The following ENOX2 variants were observed in gnomAD, a reference collection of about 807,000 sequenced individuals.
ENOX2 encodes APK1 antigen.
A neutral mutation model predicts 45.0 loss-of-function variants in ENOX2; 36 were observed. The observed-to-expected ratio is 0.80, with a 90% confidence interval of 0.61 to 1.06. The LOEUF (loss-of-function observed/expected upper bound fraction) is 1.06, where lower values mean the gene tolerates loss of function less well. Ranked by LOEUF, ENOX2 falls within the 50% of genes least tolerant of loss-of-function variation. The pLI is 0.00. For synonymous variants in ENOX2, 174 were observed against 152.3 expected, an observed-to-expected ratio of 1.14 and a Z score of -1.05; for missense variants, 423 against 462.5, an observed-to-expected ratio of 0.91 and a Z score of 0.78.
rs142442844 is a variant in ENOX2, at chrX:130,670,557, G to A, written c.461-359C>T. Among the ~76,000 whole-genome samples the A allele has an allele frequency of 1.1e-3, 120 of 110,738 alleles. 1 individual carries two copies. In the East Asian group the frequency reaches 0.028, roughly 26 times the overall value. ...GCATGATCGTTATATGGCACCAAGG[G>A]CTGGGAAGAATGGAAAAGGTGGCCT... On this transcript the variant is annotated intron_variant, in intron 6 of 14. Transcript: ENST00000394363.
At position 130,670,540 on chromosome X, in the gene ENOX2, G is replaced by C. The variant is rs192194635; in HGVS notation, c.461-342C>G. 3.9e-3 allele frequency among the ~76,000 whole-genome samples: 435 copies of C among 110,687 alleles called. 2 individuals are homozygous for C. The highest frequency in any genetic ancestry group is 0.014 in the African/African-American group (420 of 30,428). ...GTGGGTAATAGTATCAAGCATGATC[G>C]TTATATGGCACCAAGGGCTGGGAAG... is the stretch of plus-strand genomic sequence containing the variant. On this transcript the variant is annotated intron_variant, in intron 6 of 14. Coordinates refer to ENST00000394363, the MANE Select transcript of ENOX2 (RefSeq NM_006375.4).
chrX:130,831,327 C>T (rs766418406), intron 2 of ENOX2, among the ~76,000 whole-genome samples: 9 of 111,769 alleles, frequency 8.1e-5, no homozygotes, highest in Non-Finnish European at 1.5e-4. Context: ...CGGTTGCAGT[C>T]AAAGTAGTCT....
chrX:130,685,227 G>C (rs2037415915), intron 5 of ENOX2, among the ~76,000 whole-genome samples: 2 of 111,396 alleles, frequency 1.8e-5, no homozygotes, highest in Admixed American at 9.5e-5. Context: ...GACCGGAACA[G>C]AGGAAGAGAT....
At chrX:130,735,917 T>C (rs2038849289) in intron 3 of ENOX2, among the ~76,000 whole-genome samples, 1 of 111,896 alleles carries the variant, frequency 8.9e-6, no homozygotes, top group Non-Finnish European at 1.9e-5. Context: ...AAAAAATAGA[T>C]ACACTGGCAA....
At position 130,679,702 on chromosome X, in the gene ENOX2, T is replaced by C; in HGVS notation, c.300A>G (p.Thr100=). The C allele has an allele frequency of 8.3e-7, 1 of 1,211,704 alleles. No homozygotes were observed. Among genetic ancestry groups the C allele is most frequent in the Non-Finnish European group, 1.1e-6 (1 of 895,182 alleles). The change falls in exon 6 of 15, where the codon ACA becomes ACG. Residue 100 remains threonine (T), a synonymous_variant. Coordinates refer to ENST00000394363, the MANE Select transcript of ENOX2 (RefSeq NM_006375.4). ...ATRERPPGCK[T]VFVGGLPENG... ...TTTCAGGCAGACCACCCACAAATAC[T>C]GTTTTGCATCCTGGTGGTCTTTCTC...
At chrX:130,692,335 G>T (rs1313089652) in intron 4 of ENOX2, among the ~76,000 whole-genome samples, 1 of 113,087 alleles carries the variant, frequency 8.8e-6, no homozygotes, top group African/African-American at 3.2e-5. Context: ...CCTGGCTTGT[G>T]GAGTACTACC....
chrX:130,670,235 G>C (rs773950536), intron 6 of ENOX2, 37 bp from the exon 7 acceptor site: 2 of 889,221 alleles, frequency 2.2e-6, no homozygotes, highest in Non-Finnish European at 3.3e-6. Flanking sequence ...GAGGAGAGAG[G>C]GAGAGAAGGA....
At chrX:130,777,305 C>T in intron 3 of ENOX2, among the ~76,000 whole-genome samples, 1 of 109,488 alleles carries the variant, frequency 9.1e-6, no homozygotes, top group African/African-American at 3.3e-5. Flanking sequence ...TCGAGACCAG[C>T]CTGGGCAACG....
At chrX:130,627,606 A>T (rs1453921062) in intron 14 of ENOX2, among the ~76,000 whole-genome samples, 3 of 111,779 alleles carry the variant, frequency 2.7e-5, no homozygotes, top group Non-Finnish European at 1.9e-5. Context: ...GTGGGTAAGA[A>T]AGCTGATATG....
chrX:130,673,478 GA>G lies in ENOX2; in HGVS notation c.461-3281del, dbSNP rs762415285. Among the ~76,000 whole-genome samples, 386 of 99,569 alleles carry G rather than the reference GA, an allele frequency of 3.9e-3. 3 individuals carry two copies. Among genetic ancestry groups the G allele is most frequent in the East Asian group, 0.034 (110 of 3,236 alleles). 86.5% of individuals were successfully genotyped at this position (99,569 alleles called of 115,157 possible). On this transcript the variant is annotated intron_variant, in intron 6 of 14. Transcript: ENST00000394363. ...ATATGAAAGAAGAGATAGAGATCTT[GA>G]AAAAAAAAAACAGAACTTAGGGAAA...
intron 3 of ENOX2, among the ~76,000 whole-genome samples, chrX:130,777,182 T>C (rs1308324744): frequency 9.0e-6 from 1 of 111,370 alleles, no homozygotes; most frequent in Non-Finnish European, 1.9e-5. Flanking sequence ...CTTCTCTGGG[T>C]CTCAGTTTCT....
chrX:130,650,832 T>C (rs1332154655), intron 10 of ENOX2, among the ~76,000 whole-genome samples: 2 of 111,818 alleles, frequency 1.8e-5, no homozygotes, highest in Admixed American at 1.9e-4. Context: ...CCCAGACATG[T>C]TTCTGTACAA....
At chrX:130,770,313 G>A (rs1219516618) in intron 3 of ENOX2, among the ~76,000 whole-genome samples, 2 of 111,635 alleles carry the variant, frequency 1.8e-5, no homozygotes, top group Non-Finnish European at 3.8e-5. Flanking sequence ...TTTGACATAC[G>A]CACTTGTACT....
At chrX:130,776,721 A>G (rs2039865367) in intron 3 of ENOX2, among the ~76,000 whole-genome samples, 2 of 112,009 alleles carry the variant, frequency 1.8e-5, no homozygotes, top group Non-Finnish European at 3.8e-5. Flanking sequence ...CAGACAAAAC[A>G]TAAGTATAAA....
chrX:130,659,451 T>C (rs1337947069), intron 9 of ENOX2, among the ~76,000 whole-genome samples: 1 of 111,531 alleles, frequency 9.0e-6, no homozygotes, highest in African/African-American at 3.3e-5. Flanking sequence ...TTGAGAAAAA[T>C]GAACTTTAAA....
At chrX:130,731,715 ATAAT>A (rs2038742061) in intron 3 of ENOX2, among the ~76,000 whole-genome samples, 1 of 112,499 alleles carries the variant, frequency 8.9e-6, no homozygotes, top group African/African-American at 3.2e-5. Flanking sequence ...CATACAAAAA[ATAAT>A]TAATATGACA....
intron 9 of ENOX2, among the ~76,000 whole-genome samples, chrX:130,657,695 G>A (rs757553425): frequency 2.7e-5 from 3 of 112,137 alleles, no homozygotes; most frequent in East Asian, 2.8e-4. Context: ...TAAATTGACC[G>A]TTACGACAAA....
At chrX:130,782,515 A>G (rs1457157648) in intron 3 of ENOX2, among the ~76,000 whole-genome samples, 1 of 111,792 alleles carries the variant, frequency 8.9e-6, no homozygotes, top group Non-Finnish European at 1.9e-5. Context: ...CCATGTAACT[A>G]ATGTTTTACT....
At chrX:130,625,503 T>A (rs2035519559) in intron 14 of ENOX2, 58 bp from the exon 15 acceptor site, 3 of 1,136,185 alleles carry the variant, frequency 2.6e-6, no homozygotes, top group South Asian at 4.0e-5. Flanking sequence ...TAATCTTCTT[T>A]CCCAGTGTTG....
Sources: allele counts gnomAD v4.1 joint callset (sites outside exome capture counted in the v4.1 genomes callset), GRCh38; gene constraint gnomAD v4.1.1; transcripts MANE v1.5; gene names NCBI Gene and HGNC (gene_info 2026-07-23, HGNC 2026-07-21).